The following VPS33B variants were observed in gnomAD, a reference collection of about 807,000 sequenced individuals.
VPS33B encodes the protein VPS33B late endosome and lysosome associated.
Under a neutral mutation model 95.3 loss-of-function variants are expected in VPS33B, and 80 were observed. That is an observed-to-expected ratio of 0.84 (90% confidence interval 0.70 to 1.01). The LOEUF (loss-of-function observed/expected upper bound fraction) is 1.01, where lower values mean the gene tolerates loss of function less well. VPS33B is among the 50% of genes least tolerant of loss of function. VPS33B has a pLI of 0.00. For missense variants in VPS33B, 715 were observed against 773.4 expected, an observed-to-expected ratio of 0.92 and a Z score of 0.90; for synonymous variants, 280 against 280.4, an observed-to-expected ratio of 1.00 and a Z score of 0.01.
At chr15:91,016,869 A>G in intron 3 of VPS33B, 94 bp downstream of exon 3, 1 of 1,216,184 alleles carries the variant, frequency 8.2e-7, no homozygotes, top group Non-Finnish European at 1.2e-6. Flanking sequence ...AGGGAGGTGA[A>G]CCATATATCT....
chr15:91,002,115 G>C lies in VPS33B; in HGVS notation c.1340C>G (p.Ala447Gly). ...LRRAGLLTEQ[A>G]PGDTLTAVES... ...CACGGCTGTGAGGGTGTCCCCGGGG[G>C]CCTGCTCCGTTAGGAGCCCAGCTCT... Residue 447 changes from alanine to glycine, a missense_variant, in exon 18 of 23, where the codon GCC becomes GGC. By Grantham distance (60) the Ala-to-Gly change is moderately conservative (BLOSUM62 0). Coordinates refer to ENST00000333371, the MANE Select transcript of VPS33B (RefSeq NM_018668.5). This position sits in a 1 kb window ranked among gnomAD's most constrained non-coding sequence, Gnocchi z 4.7. 2 of 1,614,172 alleles carry C rather than the reference G, an allele frequency of 1.2e-6. No homozygotes were observed. Among genetic ancestry groups the C allele is most frequent in the South Asian group, 2.2e-5 (2 of 91,088 alleles).
chr15:91,014,608 A>C (rs149150913), intron 3 of VPS33B, among the ~76,000 whole-genome samples, 175 bp from the exon 4 acceptor site: 30 of 152,338 alleles, frequency 2.0e-4, no homozygotes, highest in African/African-American at 7.2e-4. Flanking sequence ...ATACCTCTCA[A>C]CACAATGGGT....
chr15:91,016,512 T>C (rs2040932852), intron 3 of VPS33B, among the ~76,000 whole-genome samples: 1 of 150,956 alleles, frequency 6.6e-6, no homozygotes, highest in Admixed American at 6.6e-5. Flanking sequence ...GCCTCCTGAG[T>C]AGCTGGGATT....
At position 91,002,620 on chromosome 15, in the gene VPS33B, ACAT is replaced by A. The variant is rs1192046045; in HGVS notation, c.1273-441_1273-439del. Among the ~76,000 whole-genome samples the A allele has an allele frequency of 6.7e-6, 1 of 149,618 alleles. No individual in the cohort carries two copies. The highest frequency in any genetic ancestry group is 1.5e-5 in the Non-Finnish European group (1 of 67,702). Reference sequence around the variant, plus strand: ...ACTCTAGCTTGGGCAACAGAGCGAGACATCGTCTCGAAATAAAAAAAAAAAAAA... The same window carrying A: ...ACTCTAGCTTGGGCAACAGAGCGAGACGTCTCGAAATAAAAAAAAAAAAAA... On this transcript the variant is annotated intron_variant, in intron 17 of 22. Transcript: ENST00000333371. The surrounding 1 kb of genome is among the most constrained non-coding windows in gnomAD (Gnocchi z 4.7).
chr15:91,006,661 T>TG lies in VPS33B; in HGVS notation c.768dup (p.Ile257HisfsTer16). 6.2e-7 allele frequency: 1 copy of TG among 1,614,212 alleles called. No homozygotes were observed. ...GGACCATAGCACTTACCACACTTGA[T>TG]GCGGAAGGTGTCATCTACTAGGCCC... On this transcript the variant is annotated frameshift_variant, in exon 10 of 23. Transcript: ENST00000333371. LOFTEE classifies it high-confidence loss of function. The surrounding 1 kb of genome is among the most constrained non-coding windows in gnomAD (Gnocchi z 5.4).
At chr15:91,021,116 T>G (rs959786612) in intron 1 of VPS33B, among the ~76,000 whole-genome samples, 2 of 152,220 alleles carry the variant, frequency 1.3e-5, no homozygotes, top group African/African-American at 4.8e-5. Flanking sequence ...CTCATTTCTA[T>G]TCAATGTTAA....
At position 91,006,685 on chromosome 15, in the gene VPS33B, C is replaced by T. The variant is rs1416893030; in HGVS notation, c.745G>A (p.Gly249Ser). ...ATGCGGAAGGTGTCATCTACTAGGC[C>T]CTCATAAACCACTTGGGAGCAAAGT... ...TALCSQVVYE[G>S]LVDDTFRIKC... Residue 249 changes from glycine to serine, a missense_variant, in exon 10 of 23, where the codon GGC (glycine) becomes AGC (serine). Physicochemically the swap from Gly to Ser is moderately conservative, Grantham distance 56. Coordinates refer to ENST00000333371, the MANE Select transcript of VPS33B (RefSeq NM_018668.5). The surrounding 1 kb of genome is among the most constrained non-coding windows in gnomAD (Gnocchi z 5.4). 6.2e-7 allele frequency: 1 copy of T among 1,614,126 alleles called. No individual in the cohort carries two copies. Among genetic ancestry groups the T allele is most frequent in the Admixed American group, 1.7e-5 (1 of 60,006 alleles).
rs1251389296 is a variant in VPS33B at position 91,005,810 on chromosome 15, C to A, written c.940-26G>T. On this transcript the variant is annotated intron_variant, in intron 12 of 22. Coordinates refer to ENST00000333371, the MANE Select transcript of VPS33B (RefSeq NM_018668.5). This position sits in a 1 kb window ranked among gnomAD's most constrained non-coding sequence, Gnocchi z 6.4. The stretch of plus-strand genomic sequence containing the variant: ...CTGTGGGAAAATTCCCAAAGGTGAA[C>A]CCCCCAACCTCAGACACGAGAAACC... 1.9e-6 allele frequency: 3 copies of A among 1,613,632 alleles called. No homozygotes were observed. Among genetic ancestry groups the A allele is most frequent in the South Asian group, 2.2e-5 (2 of 91,072 alleles).
intron 19 of VPS33B, chr15:91,001,135 G>C: frequency 2.4e-6 from 1 of 410,022 alleles, no homozygotes; most frequent in East Asian, 5.5e-5. Context: ...GGCCAACATG[G>C]GGAAACCTTG....
In VPS33B at chr15:91,013,367, G is replaced by A. The variant is rs1203049224; in HGVS notation, c.357+437C>T. 6.6e-6 allele frequency among the ~76,000 whole-genome samples: 1 copy of A among 152,182 alleles called. No individual in the cohort carries two copies. Among genetic ancestry groups the A allele is most frequent in the Non-Finnish European group, 1.5e-5 (1 of 68,036 alleles). Reference sequence around the variant, plus strand: ...TGAGGGAGTGCTATGGTTTGAATGTGTCTCCCAAAAGTTCATCTGTTGGAA... The same window carrying A: ...TGAGGGAGTGCTATGGTTTGAATGTATCTCCCAAAAGTTCATCTGTTGGAA... On this transcript the variant is annotated intron_variant, in intron 5 of 22. Transcript: ENST00000333371. The surrounding 1 kb of genome is among the most constrained non-coding windows in gnomAD (Gnocchi z 4.5).
rs1280091758 is a variant in VPS33B, at chr15:91,002,640, A to AG, written c.1272+444_1272+445insC. Among the ~76,000 whole-genome samples, 8 of 151,418 alleles carry AG rather than the reference A, an allele frequency of 5.3e-5. No individual in the cohort carries two copies. Among genetic ancestry groups the AG allele is most frequent in the African/African-American group, 2.0e-4 (8 of 41,022 alleles). ...GCGAGACATCGTCTCGAAATAAAAAAAAAAAAAAAAAGAAAAGAAATAATT... is the reference window on the plus strand; with the variant it reads ...GCGAGACATCGTCTCGAAATAAAAAAGAAAAAAAAAAAGAAAAGAAATAATT... On this transcript the variant is annotated intron_variant, in intron 17 of 22. Transcript: ENST00000333371. This position sits in a 1 kb window ranked among gnomAD's most constrained non-coding sequence, Gnocchi z 4.7.
In VPS33B at chr15:91,014,364, T is replaced by C. The variant is rs768852192; in HGVS notation, c.289+20A>G. 2 of 1,612,888 alleles carry C rather than the reference T, an allele frequency of 1.2e-6. No homozygotes were observed. The highest frequency in any genetic ancestry group is 1.3e-5 in the African/African-American group (1 of 74,754). On this transcript the variant is annotated intron_variant, in intron 4 of 22. Coordinates refer to ENST00000333371, the MANE Select transcript of VPS33B (RefSeq NM_018668.5). ...GCCCGCCCTTTCCCACAGTTACACATAGTACCATGGCACACTCACTGGCAA... is the reference window on the plus strand; with the variant it reads ...GCCCGCCCTTTCCCACAGTTACACACAGTACCATGGCACACTCACTGGCAA...
rs989361636 is a variant in VPS33B at position 91,005,914 on chromosome 15, C to T, written c.939+59G>A. On this transcript the variant is annotated intron_variant, in intron 12 of 22. Coordinates refer to ENST00000333371, the MANE Select transcript of VPS33B (RefSeq NM_018668.5). This position sits in a 1 kb window ranked among gnomAD's most constrained non-coding sequence, Gnocchi z 6.4. ...TAGTATTAGAAGGGGAGCCCAAGGG[C>T]AGCAGCCTTGGGAAGCCACTGAGGC... 53 of 1,602,344 alleles carry T rather than the reference C, an allele frequency of 3.3e-5. No individual in the cohort carries two copies. Among genetic ancestry groups the T allele is most frequent in the Non-Finnish European group, 4.1e-5 (48 of 1,170,546 alleles).
At chr15:91,016,383 T>C (rs1206168047) in intron 3 of VPS33B, among the ~76,000 whole-genome samples, 4 of 139,310 alleles carry the variant, frequency 2.9e-5, no homozygotes, top group African/African-American at 1.1e-4. Context: ...TTCTTTTTTT[T>C]TTTTTTTTTT....
chr15:91,014,778 A>G (rs1409174331), intron 3 of VPS33B, among the ~76,000 whole-genome samples: 3 of 152,204 alleles, frequency 2.0e-5, no homozygotes, highest in African/African-American at 7.2e-5. Flanking sequence ...AAAAATATAC[A>G]ATTATTATCT....
At position 91,009,304 on chromosome 15, in the gene VPS33B, T is replaced by C. The variant is rs113112585; in HGVS notation, c.403+497A>G. On this transcript the variant is annotated intron_variant, in intron 6 of 22. Coordinates refer to ENST00000333371, the MANE Select transcript of VPS33B (RefSeq NM_018668.5). The surrounding 1 kb of genome is among the most constrained non-coding windows in gnomAD (Gnocchi z 4.1). ...TCTTTTATTTTCTTTCTCTCTCTCT[T>C]TCTTTCTTCCTTCCTTCCTTTCTCT... Among the ~76,000 whole-genome samples the C allele has an allele frequency of 2.7e-5, 4 of 146,206 alleles. No homozygotes were observed. The South Asian group carries it at 8.7e-4, about 32-fold the overall frequency.
Position 91,006,706 on chromosome 15 carries a change from A to G in VPS33B, c.724T>C (p.Cys242Arg). The G allele has an allele frequency of 6.2e-7, 1 of 1,614,176 alleles. No homozygotes were observed. Among genetic ancestry groups the G allele is most frequent in the African/African-American group, 1.3e-5 (1 of 75,030 alleles). The change falls in exon 10 of 23, where the codon TGC (cysteine) becomes CGC (arginine). Residue 242 changes from cysteine (C) to arginine (R), a missense_variant. By Grantham distance (180) the Cys-to-Arg change is radical. Transcript: ENST00000333371. The surrounding 1 kb of genome is among the most constrained non-coding windows in gnomAD (Gnocchi z 5.4). ...DRDVDFVTAL[C>R]SQVVYEGLVD... ...AGGCCCTCATAAACCACTTGGGAGC[A>G]AAGTGCTGTCACAAAGTCCACATCT...
At chr15:91,019,526 G>C (rs1227694771) in intron 1 of VPS33B, among the ~76,000 whole-genome samples, 1 of 152,190 alleles carries the variant, frequency 6.6e-6, no homozygotes, top group Admixed American at 6.5e-5. Flanking sequence ...AAAATAGTTG[G>C]TTAGAATTGA....
At position 91,009,105 on chromosome 15, in the gene VPS33B, G is replaced by C. The variant is rs991493954; in HGVS notation, c.403+696C>G. Among the ~76,000 whole-genome samples, 6 of 152,138 alleles carry C rather than the reference G, an allele frequency of 3.9e-5. No homozygotes were observed. Among genetic ancestry groups the C allele is most frequent in the African/African-American group, 1.2e-4 (5 of 41,432 alleles). ...TCAGGTTTGGGTTGTGTGGAGAATA[G>C]CGGAGGAATACACAGAGGGGAGGCC... On this transcript the variant is annotated intron_variant, in intron 6 of 22. Transcript: ENST00000333371. The surrounding 1 kb of genome is among the most constrained non-coding windows in gnomAD (Gnocchi z 4.1).
Sources: allele counts gnomAD v4.1 joint callset (sites outside exome capture counted in the v4.1 genomes callset), GRCh38; gene constraint gnomAD v4.1.1; non-coding constraint Gnocchi (gnomAD v3.1); transcripts MANE v1.5; gene names NCBI Gene and HGNC (gene_info 2026-07-23, HGNC 2026-07-21).